The following UMOD variants were observed in gnomAD, a reference collection of about 807,000 sequenced individuals.
UMOD encodes the protein Tamm-Horsfall urinary glycoprotein.
UMOD carries 64 observed loss-of-function variants against 66.0 expected under a neutral mutation model. The ratio of observed to expected loss-of-function variants is 0.97; its 90% CI spans 0.79 to 1.19. The LOEUF (loss-of-function observed/expected upper bound fraction) is 1.19, where lower values mean the gene tolerates loss of function less well. Ranked by LOEUF, UMOD falls within the 50% of genes most tolerant of loss-of-function variation. The probability of loss-of-function intolerance (pLI) is 0.00; values close to 1 mark genes in which losing one functional copy is unlikely to be tolerated. For missense variants in UMOD, 764 were observed against 850.9 expected (o/e 0.90, Z 1.27); for synonymous variants, 398 against 352.7 (o/e 1.13, Z -1.44).
intron 5 of UMOD, among the ~76,000 whole-genome samples, chr16:20,345,400 T>TTTTCTTTCTTTCTTTC (rs797021829): frequency 0.034 from 2,602 of 77,386 alleles, 62 homozygotes; most frequent in South Asian, 0.062. Context: ...TTTTCTTTTT[T>TTTTCTTTCTTTCTTTC]TTTCTTTCTT....
intron 2 of UMOD, chr16:20,349,869 C>T: frequency 6.5e-7 from 1 of 1,531,182 alleles, no homozygotes; most frequent in African/African-American, 1.4e-5. Flanking sequence ...GTACTTTGTT[C>T]CTCCGTAATA....
At position 20,349,130 on chromosome 16, in the gene UMOD, G is replaced by C; in HGVS notation, c.171C>G (p.Thr57=). 1 of 1,613,986 alleles carries C rather than the reference G, an allele frequency of 6.2e-7. No homozygotes were observed. The highest frequency in any genetic ancestry group is 8.5e-7 in the Non-Finnish European group (1 of 1,179,980). The change falls in exon 3 of 11, where the codon ACC becomes ACG. Residue 57 remains threonine, a synonymous_variant. Transcript: ENST00000396138. ...GGTCCACGCAGGTCAGGCCATCGCC[G>C]GTGAAGCCCTCCTGACAGGTGCACG... The part of the protein sequence containing the change: ...VTTCTCQEGF[T]GDGLTCVDLD...
At position 20,348,549 on chromosome 16, in the gene UMOD, C is replaced by T; in HGVS notation, c.752G>A (p.Trp251Ter). The T allele has an allele frequency of 1.2e-6, 2 of 1,600,656 alleles. No individual in the cohort carries two copies. Among genetic ancestry groups the T allele is most frequent in the Non-Finnish European group, 1.7e-6 (2 of 1,177,392 alleles). The change falls in exon 3 of 11, where the codon TGG (tryptophan) becomes TAG (stop). Residue 251 changes from tryptophan to a stop codon, truncating the protein, a stop_gained. Transcript: ENST00000396138. LOFTEE classifies it high-confidence loss of function. ...ATCCCACAGGCAGCAGTGGCCGCTC[C>T]AGTGCGCGCAGGCCTTGCGGCTCAC... ...GIVSRKACAHWSGHCCLWDAS... is the reference protein window; with the variant it reads ...GIVSRKACAH
At chr16:20,351,888 G>A (rs1044440121) in intron 1 of UMOD, among the ~76,000 whole-genome samples, 2 of 151,562 alleles carry the variant, frequency 1.3e-5, no homozygotes, top group Non-Finnish European at 2.9e-5. Context: ...CATGGTGGTG[G>A]GCGCCTGTAA....
chr16:20,341,272 G>C lies in UMOD; in HGVS notation c.1396C>G (p.Pro466Ala), dbSNP rs1347877033. ...CCTTGGTAGGGCTGCGTGTAGGAAG[G>C]GGTCTGGAAGAGCGCCATCCGCACG... is the stretch of plus-strand genomic sequence containing the variant. Reference protein sequence around the residue: ...FTVRMALFQTPSYTQPYQGSS... With the variant: ...FTVRMALFQTASYTQPYQGSS... Residue 466 changes from proline to alanine, a missense_variant, in exon 7 of 11, where the codon CCT (proline) becomes GCT (alanine). Transcript: ENST00000396138. 1.9e-6 allele frequency: 3 copies of C among 1,614,074 alleles called. No homozygotes were observed. The highest frequency in any genetic ancestry group is 8.5e-7 in the Non-Finnish European group (1 of 1,180,032).
Position 20,346,353 on chromosome 16 carries a change from G to A in UMOD, c.974-19C>T. 1 of 1,613,900 alleles carries A rather than the reference G, an allele frequency of 6.2e-7. No homozygotes were observed. The highest frequency in any genetic ancestry group is 8.5e-7 in the Non-Finnish European group (1 of 1,179,856). On this transcript the variant is annotated intron_variant, in intron 4 of 10. Coordinates refer to ENST00000396138, the MANE Select transcript of UMOD (RefSeq NM_003361.4). The stretch of plus-strand genomic sequence containing the variant: ...GAGATATCTGAAACAGGTTAGGTGG[G>A]ATTGAGGACGTGTGTCTATAGCTTG...
At chr16:20,344,308 A>G in intron 5 of UMOD, 136 bp from the exon 6 acceptor site, 1 of 905,706 alleles carries the variant, frequency 1.1e-6, no homozygotes, top group Non-Finnish European at 1.7e-6. Context: ...CTCCTTGATA[A>G]AAAGCTGCCT....
intron 1 of UMOD, among the ~76,000 whole-genome samples, chr16:20,351,625 A>G (rs1379090054): frequency 1.3e-5 from 2 of 152,204 alleles, no homozygotes; most frequent in Admixed American, 1.3e-4. Flanking sequence ...CTGAATATCT[A>G]TGATGGGCCA....
At chr16:20,354,954 G>C (rs1490021053), upstream of UMOD, among the ~76,000 whole-genome samples, 1 of 152,132 alleles carries the variant, frequency 6.6e-6, no homozygotes, top group Non-Finnish European at 1.5e-5. Context: ...CAAGGGACCA[G>C]GTACCAGACA....
chr16:20,346,877 GAA>G (rs1224645853), intron 4 of UMOD, among the ~76,000 whole-genome samples: 38 of 46,474 alleles, frequency 8.2e-4, no homozygotes, highest in African/African-American at 6.5e-4. Flanking sequence ...ATAAAAAAAA[GAA>G]AGAGAGAAAG....
At chr16:20,334,923 C>T (rs1462338277) in intron 10 of UMOD, among the ~76,000 whole-genome samples, 2 of 151,796 alleles carry the variant, frequency 1.3e-5, no homozygotes, top group Non-Finnish European at 2.9e-5. Context: ...CCTCTGCCCC[C>T]CGTGGTTCAA....
Position 20,350,704 on chromosome 16 carries a change from C to T in UMOD, c.34G>A (p.Val12Met). 1 of 1,614,196 alleles carries T rather than the reference C, an allele frequency of 6.2e-7. No individual in the cohort carries two copies. The change falls in exon 2 of 11, where the codon GTG becomes ATG. Residue 12 changes from valine (V) to methionine (M), a missense_variant. By Grantham distance (21) the Val-to-Met change is conservative. Transcript: ENST00000396138. Reference sequence around the variant, plus strand: ...GTGATGAACCAAGAGGCCACCACCACCATCAGCATCCAAGTCAGAGATGGC... The same window carrying T: ...GTGATGAACCAAGAGGCCACCACCATCATCAGCATCCAAGTCAGAGATGGC... Reference protein sequence around the residue: ...GQPSLTWMLMVVVASWFITTA... With the variant: ...GQPSLTWMLMMVVASWFITTA...
At chr16:20,344,517 C>T (rs1388485472) in intron 5 of UMOD, among the ~76,000 whole-genome samples, 2 of 151,140 alleles carry the variant, frequency 1.3e-5, no homozygotes, top group Non-Finnish European at 2.9e-5. Context: ...ACAGGAGAAT[C>T]GCTTGAACCC....
chr16:20,349,674 A>G (rs1965793648), intron 2 of UMOD: 1 of 1,462,310 alleles, frequency 6.8e-7, no homozygotes, highest in East Asian at 2.5e-5. Flanking sequence ...TAAAATAGCC[A>G]CATTCAGAAA....
At position 20,341,096 on chromosome 16, in the gene UMOD, C is replaced by T; in HGVS notation, c.1572G>A (p.Gln524=). ...ATDPLKYFII[Q]DRCPHTRDST... is the part of the protein sequence containing the mutation. Reference sequence around the variant, plus strand: ...TGTAGGAACCTTTGCCTTACCTGTCCTGGATGATGAAGTACTTCAGGGGGT... The same window carrying T: ...TGTAGGAACCTTTGCCTTACCTGTCTTGGATGATGAAGTACTTCAGGGGGT... The change falls in exon 7 of 11, where the codon CAG becomes CAA. Residue 524 remains glutamine (Q), a synonymous_variant. Transcript: ENST00000396138. The T allele has an allele frequency of 6.2e-7, 1 of 1,613,894 alleles. No individual in the cohort carries two copies. Among genetic ancestry groups the T allele is most frequent in the South Asian group, 1.1e-5 (1 of 91,002 alleles).
At chr16:20,354,066 TC>T (rs1479278102), upstream of UMOD, among the ~76,000 whole-genome samples, 2 of 152,216 alleles carry the variant, frequency 1.3e-5, no homozygotes, top group Non-Finnish European at 2.9e-5. Context: ...TTCATCCATG[TC>T]CCTACAAAGG....
At chr16:20,340,697 A>G (rs1965156029) in intron 7 of UMOD, among the ~76,000 whole-genome samples, 1 of 152,028 alleles carries the variant, frequency 6.6e-6, no homozygotes, top group Non-Finnish European at 1.5e-5. Context: ...TAATGAATAT[A>G]AAGATGCAAT....
In UMOD at chr16:20,337,432, T is replaced by G; in HGVS notation, c.1599A>C (p.Ser533=). 1 of 1,614,186 alleles carries G rather than the reference T, an allele frequency of 6.2e-7. No homozygotes were observed. The highest frequency in any genetic ancestry group is 8.5e-7 in the Non-Finnish European group (1 of 1,180,032). ...CCCCATTCTCCACCACTTGGATAGTTGAGTCTCTAGTGTGTGGGCATCTGG... is the reference window on the plus strand; with the variant it reads ...CCCCATTCTCCACCACTTGGATAGTGGAGTCTCTAGTGTGTGGGCATCTGG... ...IQDRCPHTRD[S]TIQVVENGES... Residue 533 remains serine (S), a synonymous_variant, in exon 8 of 11, where the codon TCA becomes TCC. Transcript: ENST00000396138.
rs1310015332 is a variant in UMOD at position 20,348,999 on chromosome 16, G to A, written c.302C>T (p.Ser101Leu). ...SCVCPEGFRL[S>L]PGLGCTDVDE... ...CACGTCTGTGCAGCCGAGACCGGGCGACAGGCGGAAGCCTTCGGGGCAGAC... is the reference window on the plus strand; with the variant it reads ...CACGTCTGTGCAGCCGAGACCGGGCAACAGGCGGAAGCCTTCGGGGCAGAC... Residue 101 changes from serine (S) to leucine (L), a missense_variant, in exon 3 of 11, where the codon TCG (serine) becomes TTG (leucine). Ser to Leu is a moderately radical substitution (Grantham distance 145, BLOSUM62 -2). Coordinates refer to ENST00000396138, the MANE Select transcript of UMOD (RefSeq NM_003361.4). 1.3e-6 allele frequency: 2 copies of A among 1,579,692 alleles called. No individual in the cohort carries two copies. The highest frequency in any genetic ancestry group is 1.3e-5 in the African/African-American group (1 of 74,138).
Sources: allele counts gnomAD v4.1 joint callset (sites outside exome capture counted in the v4.1 genomes callset), GRCh38; gene constraint gnomAD v4.1.1; transcripts MANE v1.5; gene names NCBI Gene and HGNC (gene_info 2026-07-23, HGNC 2026-07-21).